GRIN2A: variants seen among roughly 807,000 people sequenced by gnomAD.
The protein encoded by GRIN2A is glutamate ionotropic receptor NMDA type subunit 2A.
A neutral mutation model predicts 113.4 loss-of-function variants in GRIN2A; 22 were observed. That is an observed-to-expected ratio of 0.19 (90% CI 0.14 to 0.28). GRIN2A has a LOEUF of 0.28. Among genes scored for constraint, GRIN2A ranks in the 10% least tolerant of loss-of-function variants. The pLI, the probability that GRIN2A is intolerant of heterozygous loss-of-function variation, is 1.00. For missense variants in GRIN2A, 1,502 were observed against 1,887.0 expected, an observed-to-expected ratio of 0.80 and a Z score of 3.78; for synonymous variants, 827 against 738.4, an observed-to-expected ratio of 1.12 and a Z score of -1.94.
At chr16:9,831,692 T>G (rs2141318835) in intron 8 of GRIN2A, among the ~76,000 whole-genome samples, 1 of 152,002 alleles carries the variant, frequency 6.6e-6, no homozygotes, top group African/African-American at 2.4e-5. Flanking sequence ...ATTTTTGTAT[T>G]TTTAGTAGGG....
intron 2 of GRIN2A, among the ~76,000 whole-genome samples, chr16:10,160,691 C>T (rs957039878): frequency 2.0e-5 from 3 of 152,108 alleles, no homozygotes; most frequent in Non-Finnish European, 4.4e-5. Flanking sequence ...CCAAATTGAC[C>T]GTAAAAGTTA....
intron 2 of GRIN2A, chr16:10,179,755 GCA>G (rs947255801): frequency 5.4e-6 from 3 of 554,064 alleles, no homozygotes; most frequent in Non-Finnish European, 9.8e-6. Context: ...GCGCTTCCTG[GCA>G]CACACACACC....
At chr16:9,877,782 G>A (rs1211532612) in intron 4 of GRIN2A, among the ~76,000 whole-genome samples, 22 of 39,774 alleles carry the variant, frequency 5.5e-4, no homozygotes, top group Non-Finnish European at 6.9e-4. Context: ...TCCCCCTCCC[G>A]CTCTCACTCT....
intron 10 of GRIN2A, among the ~76,000 whole-genome samples, chr16:9,810,861 A>C (rs2042072945): frequency 6.6e-6 from 1 of 152,168 alleles, no homozygotes; most frequent in Non-Finnish European, 1.5e-5. Flanking sequence ...CTCCACCTGC[A>C]TTTCTCTATG....
intron 2 of GRIN2A, among the ~76,000 whole-genome samples, chr16:10,074,254 A>G (rs1402491715): frequency 6.6e-6 from 1 of 152,248 alleles, no homozygotes; most frequent in Non-Finnish European, 1.5e-5. Flanking sequence ...TGGAGAAATA[A>G]GAAACCCCGT....
intron 10 of GRIN2A, among the ~76,000 whole-genome samples, chr16:9,816,000 C>G (rs1022048318): frequency 6.6e-6 from 1 of 152,182 alleles, no homozygotes; most frequent in Admixed American, 6.5e-5. Flanking sequence ...GTGAAATAAG[C>G]TAGTCACAAA....
chr16:10,114,831 T>G (rs906765830), intron 2 of GRIN2A, among the ~76,000 whole-genome samples: 1 of 152,242 alleles, frequency 6.6e-6, no homozygotes, highest in African/African-American at 2.4e-5. Context: ...TGGGGCAAAG[T>G]CACGCCCCCG....
At chr16:10,069,902 G>A (rs8058545) in intron 2 of GRIN2A, among the ~76,000 whole-genome samples, 4,354 of 152,318 alleles carry the variant, frequency 0.029, 214 homozygotes, top group African/African-American at 0.1. Context: ...TTACTAAAGA[G>A]AGAAAGACCT....
chr16:9,977,163 A>G (rs1429573403), intron 2 of GRIN2A, among the ~76,000 whole-genome samples: 27 of 152,136 alleles, frequency 1.8e-4, no homozygotes. Context: ...GTGGGGACAC[A>G]TGCCTGTAAT....
At chr16:9,817,040 T>C (rs2042199045) in intron 10 of GRIN2A, among the ~76,000 whole-genome samples, 1 of 152,180 alleles carries the variant, frequency 6.6e-6, no homozygotes, top group Admixed American at 6.5e-5. Context: ...TGATAATTTC[T>C]TTATCTCCAT....
chr16:9,879,294 A>G (rs2043432577), intron 4 of GRIN2A, among the ~76,000 whole-genome samples: 1 of 152,226 alleles, frequency 6.6e-6, no homozygotes, highest in Non-Finnish European at 1.5e-5. Flanking sequence ...AGAAGAGAAG[A>G]AAGGAAGGAG....
At chr16:10,062,406 T>G (rs949336733) in intron 2 of GRIN2A, among the ~76,000 whole-genome samples, 4 of 152,192 alleles carry the variant, frequency 2.6e-5, no homozygotes, top group Non-Finnish European at 5.9e-5. Context: ...TGGGTTCAAC[T>G]GGTCACCAGA....
intron 5 of GRIN2A, 112 bp downstream of exon 5, chr16:9,849,644 C>A: frequency 1.2e-6 from 1 of 846,610 alleles, no homozygotes; most frequent in Non-Finnish European, 2.1e-6. Context: ...ACTATAACGA[C>A]GTGTATTTTC....
At chr16:10,089,293 A>G (rs967607708) in intron 2 of GRIN2A, among the ~76,000 whole-genome samples, 14 of 151,882 alleles carry the variant, frequency 9.2e-5, no homozygotes, top group African/African-American at 2.4e-4. Context: ...TATATTCAGT[A>G]CTCCTTGATT....
chr16:9,997,485 T>A (rs1212371772), intron 2 of GRIN2A, among the ~76,000 whole-genome samples: 5 of 152,240 alleles, frequency 3.3e-5, no homozygotes, highest in Non-Finnish European at 5.9e-5. Flanking sequence ...TATACACATA[T>A]GAATATATTC....
chr16:10,007,552 T>C (rs1368593708), intron 2 of GRIN2A, among the ~76,000 whole-genome samples: 2 of 152,198 alleles, frequency 1.3e-5, no homozygotes, highest in Non-Finnish European at 2.9e-5. Context: ...GATGGATAGT[T>C]TTTAAATATT....
In GRIN2A at chr16:10,105,836, G is replaced by A. The variant is rs371996159; in HGVS notation, c.414+74162C>T. Among the ~76,000 whole-genome samples the A allele has an allele frequency of 5.3e-5, 8 of 152,346 alleles. No homozygotes were observed. In the East Asian group the frequency reaches 1.2e-3, roughly 22 times the overall value. ...GCAGGAGAATGGCTTGAACCCAGGA[G>A]GTGGGGGTTGCAGACAGCTAAGATC... On this transcript the variant is annotated intron_variant, in intron 2 of 12. Coordinates refer to ENST00000330684, the MANE Select transcript of GRIN2A (RefSeq NM_001134407.3).
intron 2 of GRIN2A, among the ~76,000 whole-genome samples, chr16:10,113,421 C>A (rs778934091): frequency 1.3e-5 from 2 of 152,326 alleles, no homozygotes; most frequent in Middle Eastern, 3.4e-3. Context: ...CTGTCCCTGG[C>A]CCCGGGGAGG....
chr16:9,895,712 C>A (rs1023735456), intron 3 of GRIN2A, among the ~76,000 whole-genome samples: 1 of 152,146 alleles, frequency 6.6e-6, no homozygotes, highest in African/African-American at 2.4e-5. Context: ...CCTCAGCTAG[C>A]GAAAATAAGT....
Sources: allele counts gnomAD v4.1 joint callset (sites outside exome capture counted in the v4.1 genomes callset), GRCh38; gene constraint gnomAD v4.1.1; transcripts MANE v1.5; gene names NCBI Gene and HGNC (gene_info 2026-07-23, HGNC 2026-07-21).